Variants in PLXDC2 observed in about 807,000 individuals in gnomAD.
PLXDC2 encodes the protein plexin domain containing 2.
PLXDC2 carries 40 observed loss-of-function variants against 68.9 expected under a neutral mutation model. The observed-to-expected ratio is 0.58, with a 90% CI of 0.45 to 0.76. The LOEUF (loss-of-function observed/expected upper bound fraction) is 0.76. PLXDC2 is among the 30% of genes least tolerant of loss of function. The pLI is 0.00. For missense variants in PLXDC2, 644 were observed against 661.9 expected (o/e 0.97, Z 0.30); for synonymous variants, 243 against 234.2 (o/e 1.04, Z -0.34).
At chr10:19,848,978 G>A (rs1555872) in intron 1 of PLXDC2, among the ~76,000 whole-genome samples, 131,951 of 152,180 alleles carry the variant, frequency 0.87, 57,326 homozygotes, top group Middle Eastern at 0.9. Context: ...AGGAATCCCT[G>A]TTAATGTCCT....
chr10:20,159,440 C>T (rs1319146030), intron 6 of PLXDC2, among the ~76,000 whole-genome samples: 1 of 152,146 alleles, frequency 6.6e-6, no homozygotes, highest in Non-Finnish European at 1.5e-5. Context: ...ACTTACACCA[C>T]TGTTACCACT....
At chr10:20,155,312 G>A (rs1834203433) in intron 6 of PLXDC2, among the ~76,000 whole-genome samples, 1 of 152,172 alleles carries the variant, frequency 6.6e-6, no homozygotes, top group South Asian at 2.1e-4. Context: ...ATTCAAGAAA[G>A]TCAGAGAAGG....
chr10:20,091,666 A>G (rs1833278439), intron 4 of PLXDC2: 1 of 152,120 alleles, frequency 6.6e-6, no homozygotes, highest in South Asian at 2.1e-4. Flanking sequence ...TTCTTAGCTC[A>G]GCCCTTTTTA....
intron 4 of PLXDC2, among the ~76,000 whole-genome samples, chr10:20,098,137 T>G (rs1242246749): frequency 6.6e-6 from 1 of 151,842 alleles, no homozygotes; most frequent in Admixed American, 6.6e-5. Context: ...CAACAGAAAT[T>G]TATTCTCTCA....
At chr10:19,935,935 A>C (rs925995101) in intron 1 of PLXDC2, among the ~76,000 whole-genome samples, 1 of 152,108 alleles carries the variant, frequency 6.6e-6, no homozygotes, top group African/African-American at 2.4e-5. Context: ...TTCCTAGTAG[A>C]TATCTAAAGA....
chr10:20,163,144 T>C (rs914438129), intron 6 of PLXDC2, among the ~76,000 whole-genome samples: 2 of 152,256 alleles, frequency 1.3e-5, no homozygotes, highest in South Asian at 2.1e-4. Context: ...GTTATCCAAA[T>C]ACCAGAAGAC....
intron 2 of PLXDC2, among the ~76,000 whole-genome samples, chr10:20,006,661 T>C (rs1835033086): frequency 6.6e-6 from 1 of 152,246 alleles, no homozygotes; most frequent in Admixed American, 6.5e-5. Flanking sequence ...TGTTATTCTC[T>C]TCACTTGGTA....
intron 4 of PLXDC2, among the ~76,000 whole-genome samples, chr10:20,087,288 G>T (rs1409844844): frequency 2.6e-5 from 4 of 152,142 alleles, no homozygotes; most frequent in African/African-American, 7.2e-5. Context: ...TGCAGAGGAG[G>T]TGTTCATGTG....
At chr10:19,910,172 A>G (rs1232917569) in intron 1 of PLXDC2, among the ~76,000 whole-genome samples, 2 of 18,922 alleles carry the variant, frequency 1.1e-4, no homozygotes, top group Non-Finnish European at 2.6e-4. Flanking sequence ...ACACTTTTAT[A>G]TATATATATA....
At chr10:19,857,016 T>C (rs892045550) in intron 1 of PLXDC2, among the ~76,000 whole-genome samples, 1 of 152,216 alleles carries the variant, frequency 6.6e-6, no homozygotes, top group African/African-American at 2.4e-5. Flanking sequence ...ATAATAGTCA[T>C]AATTTATTAA....
chr10:20,058,030 G>A (rs571894155), intron 3 of PLXDC2, among the ~76,000 whole-genome samples: 2 of 151,958 alleles, frequency 1.3e-5, no homozygotes, highest in East Asian at 3.9e-4. Context: ...TAGCAAAGGA[G>A]GACGAAGAAT....
intron 1 of PLXDC2, among the ~76,000 whole-genome samples, chr10:19,846,906 C>T (rs1024373824): frequency 6.6e-6 from 1 of 152,110 alleles, no homozygotes; most frequent in Non-Finnish European, 1.5e-5. Flanking sequence ...GTGTCACAAT[C>T]ATGGCAGAAG....
chr10:20,001,701 T>C, intron 1 of PLXDC2, 74 bp from the exon 2 acceptor site: 1 of 1,381,490 alleles, frequency 7.2e-7, no homozygotes, highest in Middle Eastern at 1.8e-4. Flanking sequence ...TTCTTTTTTC[T>C]TCTCGAGCCG....
intron 9 of PLXDC2, among the ~76,000 whole-genome samples, chr10:20,182,281 A>G (rs1489408016): frequency 6.6e-6 from 1 of 151,948 alleles, no homozygotes; most frequent in African/African-American, 2.4e-5. Context: ...TGTAGCAACC[A>G]TTGATCTTCT....
intron 4 of PLXDC2, among the ~76,000 whole-genome samples, chr10:20,127,002 C>T (rs566362004): frequency 1.3e-4 from 19 of 150,592 alleles, no homozygotes; most frequent in East Asian, 7.8e-4. Context: ...AAGGATATGA[C>T]ATTAGCTTGA....
At chr10:19,944,024 G>T (rs114599221) in intron 1 of PLXDC2, among the ~76,000 whole-genome samples, 1 of 152,046 alleles carries the variant, frequency 6.6e-6, no homozygotes, top group African/African-American at 2.4e-5. Flanking sequence ...TTACTTTCCC[G>T]TAGCGATGAT....
chr10:19,906,729 T>C (rs1195157685), intron 1 of PLXDC2, among the ~76,000 whole-genome samples: 1 of 152,114 alleles, frequency 6.6e-6, no homozygotes, highest in African/African-American at 2.4e-5. Context: ...AAAATACAGA[T>C]AATAAAGACA....
chr10:20,072,698 T>G (rs1185641802), intron 4 of PLXDC2, among the ~76,000 whole-genome samples: 1 of 152,182 alleles, frequency 6.6e-6, no homozygotes, highest in Admixed American at 6.5e-5. Flanking sequence ...GTTTGAATAC[T>G]TGCTTGTGGG....
chr10:19,950,964 A>AC (rs1833981890), intron 1 of PLXDC2, among the ~76,000 whole-genome samples: 1 of 152,172 alleles, frequency 6.6e-6, no homozygotes, highest in Non-Finnish European at 1.5e-5. Context: ...ATGAAACTGG[A>AC]CCTCTACTTT....
Sources: gnomAD v4.1 joint callset for allele counts (sites outside exome capture counted in the v4.1 genomes callset) on GRCh38, gnomAD v4.1.1 for gene constraint, MANE v1.5 for transcripts, NCBI Gene and HGNC (gene_info 2026-07-23, HGNC 2026-07-21) for gene names.